Variants in ARHGAP26 observed in about 807,000 individuals in gnomAD.
ARHGAP26 encodes the protein Rho GTPase activating protein 26, also known as rho GTPase-activating protein 26.
In ARHGAP26, 38 loss-of-function variants were observed where a neutral mutation model predicts 104.8. That is an observed-to-expected ratio of 0.36 (90% CI 0.28 to 0.48). The LOEUF is 0.48. Among genes scored for constraint, ARHGAP26 ranks in the 20% least tolerant of loss-of-function variants. The pLI, the probability that ARHGAP26 is intolerant of heterozygous loss-of-function variation, is 0.99. For synonymous variants in ARHGAP26, 341 were observed against 340.0 expected (o/e 1.00, Z -0.03); for missense variants, 704 against 947.9 (o/e 0.74, Z 3.38).
chr5:142,883,277 A>G (rs114164165), intron 4 of ARHGAP26, among the ~76,000 whole-genome samples: 1,773 of 152,266 alleles, frequency 0.012, 35 homozygotes, highest in African/African-American at 0.04. Context: ...GGAGTTGCTG[A>G]TAAGGCTGGT....
chr5:143,147,908 C>T (rs576547829), intron 20 of ARHGAP26, among the ~76,000 whole-genome samples: 59 of 152,224 alleles, frequency 3.9e-4, no homozygotes, highest in Non-Finnish European at 6.9e-4. Flanking sequence ...AAGAGAAGAA[C>T]CCTTTTTGCT....
At chr5:142,952,088 T>A (rs550278696) in intron 11 of ARHGAP26, among the ~76,000 whole-genome samples, 1 of 152,352 alleles carries the variant, frequency 6.6e-6, no homozygotes, top group South Asian at 2.1e-4. Flanking sequence ...CTGTCTCTAG[T>A]AAGGACATTT....
intron 8 of ARHGAP26, among the ~76,000 whole-genome samples, chr5:142,905,278 A>C (rs1760945534): frequency 6.6e-6 from 1 of 152,164 alleles, no homozygotes; most frequent in Non-Finnish European, 1.5e-5. Context: ...CTCTCATGTC[A>C]CACACTTTTA....
chr5:143,018,244 T>A (rs546674439), intron 12 of ARHGAP26, among the ~76,000 whole-genome samples: 154 of 152,372 alleles, frequency 1.0e-3, no homozygotes, highest in African/African-American at 3.6e-3. Flanking sequence ...TAGATACTAA[T>A]CCCTTGTTAG....
chr5:142,786,896 T>C (rs955840587), intron 1 of ARHGAP26, among the ~76,000 whole-genome samples: 4 of 152,066 alleles, frequency 2.6e-5, no homozygotes, highest in African/African-American at 4.8e-5. Context: ...CTGCCCGCCT[T>C]GGCCTCCCAA....
chr5:142,852,795 C>T (rs979823365), intron 1 of ARHGAP26, among the ~76,000 whole-genome samples: 4 of 152,188 alleles, frequency 2.6e-5, no homozygotes, highest in African/African-American at 7.2e-5. Context: ...GACTTACTTA[C>T]GTTCTAAAAG....
chr5:142,978,590 TG>T (rs1773471737), intron 11 of ARHGAP26, among the ~76,000 whole-genome samples: 1 of 152,200 alleles, frequency 6.6e-6, no homozygotes, highest in Non-Finnish European at 1.5e-5. Flanking sequence ...ACCTGTTAAA[TG>T]GGGATGATTT....
At chr5:143,151,675 G>A (rs1799859779) in intron 20 of ARHGAP26, among the ~76,000 whole-genome samples, 1 of 152,174 alleles carries the variant, frequency 6.6e-6, no homozygotes, top group Non-Finnish European at 1.5e-5. Context: ...AGTCAGTCTG[G>A]CGGGGTGCAG....
At chr5:142,823,317 CA>C (rs1766568461) in intron 1 of ARHGAP26, among the ~76,000 whole-genome samples, 1 of 152,156 alleles carries the variant, frequency 6.6e-6, no homozygotes, top group African/African-American at 2.4e-5. Context: ...GTAACATGAT[CA>C]GTATATGCAG....
At chr5:143,117,543 A>G (rs1441781931) in intron 17 of ARHGAP26, among the ~76,000 whole-genome samples, 1 of 152,188 alleles carries the variant, frequency 6.6e-6, no homozygotes, top group Non-Finnish European at 1.5e-5. Context: ...AACTCTTCCC[A>G]CCCAAAAAAA....
At chr5:142,829,462 A>G (rs2152112108) in intron 1 of ARHGAP26, among the ~76,000 whole-genome samples, 1 of 152,352 alleles carries the variant, frequency 6.6e-6, no homozygotes, top group South Asian at 2.1e-4. Context: ...TTAGCAAGAA[A>G]GAACAGTTCT....
chr5:143,141,511 C>T (rs1368917477), intron 19 of ARHGAP26, among the ~76,000 whole-genome samples: 2 of 152,136 alleles, frequency 1.3e-5, no homozygotes, highest in Non-Finnish European at 2.9e-5. Flanking sequence ...GAGAGAAATG[C>T]ATATTTCTTA....
At position 142,774,539 on chromosome 5, in the gene ARHGAP26, G is replaced by A. The variant is rs77576301; in HGVS notation, c.154+3624G>A. On this transcript the variant is annotated intron_variant, in intron 1 of 22. Transcript: ENST00000645722. ...CCCCTATTTCTAACATCCTGCATTAGCATAGTACAGTTGTTATAGTTGATG... is the reference window on the plus strand; with the variant it reads ...CCCCTATTTCTAACATCCTGCATTAACATAGTACAGTTGTTATAGTTGATG... Among the ~76,000 whole-genome samples, 787 of 151,892 alleles carry A rather than the reference G, an allele frequency of 5.2e-3. 15 individuals are homozygous for A. Among genetic ancestry groups the A allele is most frequent in the East Asian group, 0.033 (170 of 5,172 alleles).
At chr5:142,782,730 G>A (rs1246636712) in intron 1 of ARHGAP26, among the ~76,000 whole-genome samples, 2 of 152,172 alleles carry the variant, frequency 1.3e-5, no homozygotes, top group South Asian at 2.1e-4. Context: ...CAGCATAAGT[G>A]CAAGGGAGGA....
intron 11 of ARHGAP26, among the ~76,000 whole-genome samples, chr5:143,013,442 C>T (rs775154396): frequency 2.1e-4 from 32 of 152,020 alleles, no homozygotes; most frequent in Non-Finnish European, 4.4e-4. Context: ...GGTACTTTCC[C>T]TTTTTGTGAT....
chr5:143,193,993 A>C (rs528799126), intron 20 of ARHGAP26: 1 of 152,324 alleles, frequency 6.6e-6, no homozygotes, highest in South Asian at 2.1e-4. Flanking sequence ...AACAAGGGTC[A>C]GTTGTCCACA....
intron 1 of ARHGAP26, among the ~76,000 whole-genome samples, chr5:142,814,116 G>C (rs1489613341): frequency 6.6e-6 from 1 of 152,230 alleles, no homozygotes; most frequent in Non-Finnish European, 1.5e-5. Context: ...ATTAACCCTT[G>C]TGTCTTGGCT....
intron 17 of ARHGAP26, among the ~76,000 whole-genome samples, chr5:143,104,935 C>T (rs1793778292): frequency 6.6e-6 from 1 of 152,212 alleles, no homozygotes; most frequent in Non-Finnish European, 1.5e-5. Flanking sequence ...GGTAGAATCA[C>T]TGGTGATTTT....
intron 11 of ARHGAP26, among the ~76,000 whole-genome samples, chr5:142,998,753 A>C (rs1023575350): frequency 6.6e-6 from 1 of 152,200 alleles, no homozygotes; most frequent in Non-Finnish European, 1.5e-5. Context: ...ACAAAAAAAA[A>C]GAAAAAGGAA....
Sources: allele counts gnomAD v4.1 joint callset (sites outside exome capture counted in the v4.1 genomes callset), GRCh38; gene constraint gnomAD v4.1.1; transcripts MANE v1.5; gene names NCBI Gene and HGNC (gene_info 2026-07-23, HGNC 2026-07-21).